The following KCNMA1 variants were observed in gnomAD, a reference collection of about 807,000 sequenced individuals.
The protein encoded by KCNMA1 is Calcium-activated potassium channel subunit alpha-1.
Under a neutral mutation model 140.0 loss-of-function variants are expected in KCNMA1, and 29 were observed. The observed-to-expected ratio is 0.21, with a 90% confidence interval of 0.15 to 0.28. The LOEUF (loss-of-function observed/expected upper bound fraction) is 0.28, where lower values mean the gene tolerates loss of function less well. Ranked by LOEUF, KCNMA1 falls within the 10% of genes least tolerant of loss-of-function variation. The probability of loss-of-function intolerance (pLI) is 1.00; values close to 1 mark genes in which losing one functional copy is unlikely to be tolerated. For missense variants in KCNMA1, 880 were observed against 1,602.2 expected (o/e 0.55, Z 7.70); for synonymous variants, 612 against 611.9 (o/e 1.00, Z 0.00).
chr10:76,984,197 T>C, intron 19 of KCNMA1, among the ~76,000 whole-genome samples: 1 of 44,866 alleles, frequency 2.2e-5, no homozygotes, highest in South Asian at 9.1e-4. Flanking sequence ...AGTATTATTA[T>C]TTACTTTTTT....
intron 1 of KCNMA1, among the ~76,000 whole-genome samples, chr10:77,537,835 C>T (rs769684720): frequency 1.4e-4 from 21 of 152,056 alleles, no homozygotes; most frequent in Admixed American, 3.3e-4. Flanking sequence ...CTGCTCCTCC[C>T]GGCGCACATT....
intron 1 of KCNMA1, among the ~76,000 whole-genome samples, chr10:77,567,059 A>G (rs913375924): frequency 6.6e-5 from 10 of 152,164 alleles, no homozygotes; most frequent in African/African-American, 2.4e-4. Context: ...CAGGGAGCTC[A>G]GGCCCTGGGG....
chr10:76,984,414 T>C (rs1176793075), intron 19 of KCNMA1, among the ~76,000 whole-genome samples: 1 of 152,100 alleles, frequency 6.6e-6, no homozygotes. Context: ...GGTCTCAAAC[T>C]CCTAACCTCA....
chr10:77,124,366 G>T (rs933420084), intron 5 of KCNMA1, among the ~76,000 whole-genome samples: 6 of 152,148 alleles, frequency 3.9e-5, no homozygotes, highest in African/African-American at 1.4e-4. Flanking sequence ...GTGCATGAAA[G>T]TAAGGGCAGG....
intron 1 of KCNMA1, among the ~76,000 whole-genome samples, chr10:77,437,013 G>A (rs578017273): frequency 6.7e-6 from 1 of 149,596 alleles, no homozygotes; most frequent in South Asian, 2.1e-4. Context: ...CAGCCAAAAT[G>A]TTCCACTTTA....
intron 2 of KCNMA1, among the ~76,000 whole-genome samples, chr10:77,258,093 C>G (rs556932531): frequency 6.6e-6 from 1 of 152,246 alleles, no homozygotes; most frequent in Non-Finnish European, 1.5e-5. Flanking sequence ...CTCTCTGGGT[C>G]TAAGTTTCCC....
intron 15 of KCNMA1, among the ~76,000 whole-genome samples, chr10:77,030,773 C>T (rs1198573682): frequency 6.6e-6 from 1 of 152,176 alleles, no homozygotes; most frequent in Admixed American, 6.5e-5. Context: ...AGGGGATGGA[C>T]CCGCAGATCT....
intron 23 of KCNMA1, among the ~76,000 whole-genome samples, chr10:76,922,273 T>C (rs938641769): frequency 6.6e-6 from 1 of 152,176 alleles, no homozygotes; most frequent in Non-Finnish European, 1.5e-5. Flanking sequence ...AATGGAGAAG[T>C]TATTATATCC....
chr10:77,247,146 C>T (rs989947223), intron 3 of KCNMA1, among the ~76,000 whole-genome samples: 12 of 152,266 alleles, frequency 7.9e-5, no homozygotes, highest in Non-Finnish European at 1.5e-4. Context: ...ATTCATAATC[C>T]GCGTAACCGT....
chr10:77,092,676 C>A (rs1198777789), intron 9 of KCNMA1, among the ~76,000 whole-genome samples: 1 of 152,208 alleles, frequency 6.6e-6, no homozygotes, highest in Non-Finnish European at 1.5e-5. Context: ...ACCCAGCCGG[C>A]CTCCTGTGCC....
intron 18 of KCNMA1, among the ~76,000 whole-genome samples, chr10:77,002,830 G>T (rs1285951963): frequency 6.6e-6 from 1 of 152,174 alleles, no homozygotes; most frequent in Non-Finnish European, 1.5e-5. Flanking sequence ...GGTGGGAGAA[G>T]AATTCACATT....
chr10:77,592,845 C>T (rs1361954534), intron 1 of KCNMA1, among the ~76,000 whole-genome samples: 4 of 152,212 alleles, frequency 2.6e-5, no homozygotes, highest in African/African-American at 9.6e-5. Flanking sequence ...GCTGTGCCCA[C>T]TGAGTGTGCC....
At chr10:77,040,977 AGTGAATCT>A (rs1413252439) in intron 14 of KCNMA1, among the ~76,000 whole-genome samples, 1 of 152,134 alleles carries the variant, frequency 6.6e-6, no homozygotes, top group Non-Finnish European at 1.5e-5. Context: ...TTCACAATGT[AGTGAATCT>A]TCTTTTTTGT....
At chr10:77,483,897 C>T (rs972294836) in intron 1 of KCNMA1, among the ~76,000 whole-genome samples, 2 of 152,212 alleles carry the variant, frequency 1.3e-5, no homozygotes, top group Non-Finnish European at 2.9e-5. Context: ...TGCCCCTCCT[C>T]TTTCAGGAAA....
In KCNMA1 at chr10:77,138,322, G is replaced by A. The variant is rs1455408494; in HGVS notation, c.809-17274C>T. On this transcript the variant is annotated intron_variant, in intron 5 of 27. Transcript: ENST00000286628. Reference sequence around the variant, plus strand: ...CATGGTCACCCATCCTGGGGTGCATGATCATAGCTCACTGGAGTCTTGACC... The same window carrying A: ...CATGGTCACCCATCCTGGGGTGCATAATCATAGCTCACTGGAGTCTTGACC... Among the ~76,000 whole-genome samples, 3 of 152,198 alleles carry A rather than the reference G, an allele frequency of 2.0e-5. No homozygotes were observed. In the East Asian group the frequency reaches 5.8e-4, roughly 29 times the overall value.
chr10:77,116,283 G>T (rs1298858282), intron 6 of KCNMA1, among the ~76,000 whole-genome samples: 2 of 152,138 alleles, frequency 1.3e-5, no homozygotes, highest in Non-Finnish European at 2.9e-5. Flanking sequence ...AATCATGATA[G>T]GTCAGGCACA....
chr10:77,615,747 C>T (rs2089205118), intron 1 of KCNMA1, among the ~76,000 whole-genome samples: 1 of 152,156 alleles, frequency 6.6e-6, no homozygotes, highest in Non-Finnish European at 1.5e-5. Context: ...TCCAACCCTA[C>T]TTTCTGCCTC....
At chr10:77,533,981 G>A (rs2058305677) in intron 1 of KCNMA1, among the ~76,000 whole-genome samples, 1 of 152,086 alleles carries the variant, frequency 6.6e-6, no homozygotes, top group African/African-American at 2.4e-5. Context: ...GCCAAAGCTG[G>A]CCCACTATGC....
At chr10:77,610,761 A>G (rs2673465) in intron 1 of KCNMA1, among the ~76,000 whole-genome samples, 33,635 of 152,284 alleles carry the variant, frequency 0.22, 4,016 homozygotes, top group African/African-American at 0.27. Context: ...TTAATGGTAC[A>G]GGACTTCCTT....
Sources: gnomAD v4.1 joint callset for allele counts (sites outside exome capture counted in the v4.1 genomes callset) on GRCh38, gnomAD v4.1.1 for gene constraint, MANE v1.5 for transcripts, NCBI Gene and HGNC (gene_info 2026-07-23, HGNC 2026-07-21) for gene names.